Variants in ETV5 observed in about 807,000 individuals in gnomAD.
ETV5 encodes the protein ETS translocation variant 5.
A neutral mutation model predicts 70.0 loss-of-function variants in ETV5; 10 were observed. The ratio of observed to expected loss-of-function variants is 0.14; its 90% CI spans 0.09 to 0.24. The LOEUF is 0.24. Among genes scored for constraint, ETV5 ranks in the 10% least tolerant of loss-of-function variants. The pLI, the probability that ETV5 is intolerant of heterozygous loss-of-function variation, is 1.00. For synonymous variants in ETV5, 216 were observed against 242.2 expected, an observed-to-expected ratio of 0.89 and a Z score of 1.01; for missense variants, 453 against 651.2, an observed-to-expected ratio of 0.70 and a Z score of 3.31.
chr3:186,057,446 C>G lies in ETV5; in HGVS notation c.1016G>C (p.Cys339Ser), dbSNP rs1395826378. 6.2e-7 allele frequency: 1 copy of G among 1,614,120 alleles called. No homozygotes were observed. Among genetic ancestry groups the G allele is most frequent in the East Asian group, 2.2e-5 (1 of 44,884 alleles). The change falls in exon 10 of 13, where the codon TGT becomes TCT. Residue 339 changes from cysteine (C) to serine (S), a missense_variant. This residue lies in a region of ETV5 where 307 missense variants were observed against 344.9 expected (regional missense o/e 0.89). Coordinates refer to ENST00000306376, the MANE Select transcript of ETV5 (RefSeq NM_004454.3). The surrounding 1 kb of genome is among the most constrained non-coding windows in gnomAD (Gnocchi z 4.9). Reference protein sequence around the residue: ...KDPRLYFDDTCVVPERLEGKV... With the variant: ...KDPRLYFDDTSVVPERLEGKV... ...ACCTTCCAGTCTCTCAGGCACAACACAAGTGTCGTCAAAGTATAATCGGGG... is the reference window on the plus strand; with the variant it reads ...ACCTTCCAGTCTCTCAGGCACAACAGAAGTGTCGTCAAAGTATAATCGGGG...
chr3:186,078,177 A>C, intron 7 of ETV5: 1 of 1,051,218 alleles, frequency 9.5e-7, no homozygotes, highest in South Asian at 4.6e-5. Flanking sequence ...TTGTCTCCCA[A>C]CTCAGTTAAC....
At chr3:186,106,759 C>T (rs1038398636) in intron 1 of ETV5, among the ~76,000 whole-genome samples, 1 of 152,072 alleles carries the variant, frequency 6.6e-6, no homozygotes, top group Admixed American at 6.5e-5. Flanking sequence ...AAATGAAACT[C>T]ATTTCAGGAC....
At chr3:186,087,934 T>C (rs1440249750) in intron 5 of ETV5, among the ~76,000 whole-genome samples, 1 of 152,162 alleles carries the variant, frequency 6.6e-6, no homozygotes, top group African/African-American at 2.4e-5. Flanking sequence ...CCACAGACTT[T>C]GTTGTGAATA....
At chr3:186,053,950 A>T (rs1053409240) in intron 11 of ETV5, among the ~76,000 whole-genome samples, 1 of 152,230 alleles carries the variant, frequency 6.6e-6, no homozygotes, top group African/African-American at 2.4e-5. Context: ...CAGCCTCATC[A>T]TTTTACTATG....
At chr3:186,078,083 G>A in intron 7 of ETV5, 1 of 1,052,596 alleles carries the variant, frequency 9.5e-7, no homozygotes, top group Non-Finnish European at 1.1e-6. Context: ...CCTTCTCAGG[G>A]GGCTGGGTGG....
intron 11 of ETV5, among the ~76,000 whole-genome samples, chr3:186,055,416 T>C (rs969626084): frequency 6.6e-6 from 1 of 152,126 alleles, no homozygotes; most frequent in Non-Finnish European, 1.5e-5. Flanking sequence ...GCAGGGATGC[T>C]AGAAGCCTAA....
chr3:186,060,660 G>A (rs1223733390), intron 9 of ETV5, among the ~76,000 whole-genome samples: 1 of 152,194 alleles, frequency 6.6e-6, no homozygotes, highest in Non-Finnish European at 1.5e-5. Flanking sequence ...AAGCATGTCA[G>A]GGTAATTTAG....
At chr3:186,079,096 T>G in intron 7 of ETV5, 4 of 1,063,452 alleles carry the variant, frequency 3.8e-6, no homozygotes, top group Non-Finnish European at 4.6e-6. Context: ...CCAGAGAAAC[T>G]TGAAATAAAG....
intron 7 of ETV5, among the ~76,000 whole-genome samples, chr3:186,067,882 AC>A: frequency 6.6e-6 from 1 of 152,380 alleles, no homozygotes; most frequent in Admixed American, 6.5e-5. Context: ...CTCCACAGAT[AC>A]AGGAATCTCA....
At chr3:186,106,167 T>C (rs778871416) in intron 1 of ETV5, among the ~76,000 whole-genome samples, 1 of 152,210 alleles carries the variant, frequency 6.6e-6, no homozygotes, top group Non-Finnish European at 1.5e-5. Context: ...GTCATCATTT[T>C]TTCTTTCTTA....
chr3:186,063,772 C>A (rs887391326), intron 9 of ETV5, among the ~76,000 whole-genome samples: 1 of 152,256 alleles, frequency 6.6e-6, no homozygotes, highest in East Asian at 1.9e-4. Flanking sequence ...CTCCCTACCC[C>A]CTGCTAGCTC....
At chr3:186,077,044 G>T (rs1310070668) in intron 7 of ETV5, among the ~76,000 whole-genome samples, 1 of 152,242 alleles carries the variant, frequency 6.6e-6, no homozygotes, top group Non-Finnish European at 1.5e-5. Flanking sequence ...TTTGGTTGCT[G>T]AATGTAGGAC....
intron 5 of ETV5, among the ~76,000 whole-genome samples, chr3:186,104,414 C>T (rs1040629423): frequency 3.3e-5 from 5 of 152,146 alleles, no homozygotes; most frequent in African/African-American, 1.2e-4. Flanking sequence ...AAAAGTTTCT[C>T]TTCTCTGAAG....
chr3:186,064,671 G>C, intron 8 of ETV5, 195 bp from the exon 9 acceptor site: 1 of 569,458 alleles, frequency 1.8e-6, no homozygotes, highest in Non-Finnish European at 3.1e-6. Flanking sequence ...CAGCTGAAAG[G>C]CAGGCTCTCC....
chr3:186,083,524 A>T (rs1270882614), intron 5 of ETV5, among the ~76,000 whole-genome samples: 1 of 152,208 alleles, frequency 6.6e-6, no homozygotes, highest in Admixed American at 6.5e-5. Flanking sequence ...TTGTTTCAGG[A>T]ACTGCACGTA....
intron 7 of ETV5, among the ~76,000 whole-genome samples, chr3:186,075,084 T>C (rs1051294228): frequency 8.5e-5 from 13 of 152,176 alleles, no homozygotes; most frequent in African/African-American, 3.1e-4. Context: ...CTTTAGCTTG[T>C]TAAAAGGTAA....
rs200659867 is a variant in ETV5 at position 186,065,873 on chromosome 3, G to A, written c.850C>T (p.His284Tyr). ...ATTCCCATTGGTGACTGGAACCCGT[G>A]TGCTGGGGGCCCTGGCATGCCCGGG... The part of the protein sequence containing the change: ...GVPGMPGPPA[H>Y]GFQSPMGIKQ... Residue 284 changes from histidine to tyrosine, a missense_variant, in exon 8 of 13, where the codon CAC (histidine) becomes TAC (tyrosine). His to Tyr is a moderately conservative substitution (Grantham distance 83). Around this residue, in one of 4 missense-constraint regions of ETV5, gnomAD observed 307 missense variants for 344.9 expected, o/e 0.89. Transcript: ENST00000306376. 6.3e-5 allele frequency: 102 copies of A among 1,613,966 alleles called. No homozygotes were observed. The highest frequency in any genetic ancestry group is 8.3e-5 in the Non-Finnish European group (98 of 1,180,018).
In ETV5 at chr3:186,065,333, G is replaced by C. The variant is rs1001306629; in HGVS notation, c.910+480C>G. ...CTACTCCTGAGAAAAATACATCAAA[G>C]CTTTCCAGAGGAATGCTGATGGAAA... On this transcript the variant is annotated intron_variant, in intron 8 of 12. Coordinates refer to ENST00000306376, the MANE Select transcript of ETV5 (RefSeq NM_004454.3). Among the ~76,000 whole-genome samples the C allele has an allele frequency of 2.6e-5, 4 of 152,152 alleles. No individual in the cohort carries two copies. The South Asian group carries it at 8.3e-4, about 32-fold the overall frequency.
chr3:186,077,669 C>T (rs1713829736), intron 7 of ETV5, among the ~76,000 whole-genome samples: 1 of 152,208 alleles, frequency 6.6e-6, no homozygotes, highest in African/African-American at 2.4e-5. Context: ...GGCCCACACA[C>T]TCTATCTCTG....
Sources: allele counts gnomAD v4.1 joint callset (sites outside exome capture counted in the v4.1 genomes callset), GRCh38; gene constraint gnomAD v4.1.1; regional missense constraint gnomAD v4.1.1; non-coding constraint Gnocchi (gnomAD v3.1); transcripts MANE v1.5; gene names NCBI Gene and HGNC (gene_info 2026-07-23, HGNC 2026-07-21).